The following C8orf88 variants were observed in gnomAD, a reference collection of about 807,000 sequenced individuals.
The protein encoded by C8orf88 is chromosome 8 open reading frame 88, also known as uncharacterized protein C8orf88.
In C8orf88, 14 loss-of-function variants were observed where a neutral mutation model predicts 18.4. That is an observed-to-expected ratio of 0.76 (90% CI 0.50 to 1.19). The LOEUF is 1.19. Ranked by LOEUF, C8orf88 falls within the 50% of genes most tolerant of loss-of-function variation. C8orf88 has a pLI of 0.00. For missense variants in C8orf88, 116 were observed against 134.7 expected (o/e 0.86, Z 0.69); for synonymous variants, 45 against 42.9 (o/e 1.05, Z -0.19).
chr8:90,968,944 G>A (rs143033495), intron 4 of C8orf88, among the ~76,000 whole-genome samples: 1 of 151,374 alleles, frequency 6.6e-6, no homozygotes, highest in African/African-American at 2.4e-5. Flanking sequence ...TCACCCACTA[G>A]GATTGCTTAT....
At chr8:90,966,577 AAAAG>A (rs1158613164) in intron 4 of C8orf88, among the ~76,000 whole-genome samples, 1 of 151,066 alleles carries the variant, frequency 6.6e-6, no homozygotes, top group Admixed American at 6.6e-5. Context: ...AAAAAAAAAA[AAAAG>A]TTGGTTTTTT....
At chr8:90,978,543 A>G (rs1163714069) in intron 3 of C8orf88, 36 bp downstream of exon 3, 66 of 1,332,510 alleles carry the variant, frequency 5.0e-5, no homozygotes, top group Non-Finnish European at 6.6e-5. Context: ...TTTCCAATCT[A>G]TAATATTTCC....
At chr8:90,960,934 CTATT>C in intron 4 of C8orf88, 86 bp from the exon 5 acceptor site, 1 of 655,178 alleles carries the variant, frequency 1.5e-6, no homozygotes, top group East Asian at 3.0e-5. Context: ...TGGATGTCCT[CTATT>C]CATTATATAA....
At chr8:90,967,643 G>A (rs28803481) in intron 4 of C8orf88, among the ~76,000 whole-genome samples, 4,935 of 151,624 alleles carry the variant, frequency 0.033, 262 homozygotes, top group African/African-American at 0.11. Flanking sequence ...GTTAGTTTTG[G>A]TAAATTCTGT....
intron 4 of C8orf88, among the ~76,000 whole-genome samples, chr8:90,969,851 T>A (rs538491167): frequency 6.6e-6 from 1 of 151,636 alleles, no homozygotes; most frequent in South Asian, 2.1e-4. Context: ...TATCCCAAGA[T>A]AATAACAAAA....
At chr8:90,976,167 A>G (rs1263453738) in intron 3 of C8orf88, among the ~76,000 whole-genome samples, 1 of 152,020 alleles carries the variant, frequency 6.6e-6, no homozygotes, top group East Asian at 1.9e-4. Context: ...GCAAGGGGAT[A>G]TAAGGACATT....
At chr8:90,977,766 AC>A (rs768744846) in intron 3 of C8orf88, among the ~76,000 whole-genome samples, 1 of 151,818 alleles carries the variant, frequency 6.6e-6, no homozygotes, top group Non-Finnish European at 1.5e-5. Context: ...ATATGGTGAA[AC>A]CCCATCTGTA....
Position 90,985,238 on chromosome 8 carries a change from T to G in C8orf88, c.-151A>C, listed in dbSNP as rs1811490232. 2.0e-5 allele frequency: 1 copy of G among 50,338 alleles called. No individual in the cohort carries two copies. The highest frequency in any genetic ancestry group is 4.0e-5 in the Non-Finnish European group (1 of 25,252). 3.1% of individuals were successfully genotyped at this position (50,338 alleles called of 1,614,324 possible). A position where few individuals can be genotyped will look rare whatever the true frequency, so the allele number is the denominator to read the frequency against. On this transcript the variant is annotated 5_prime_UTR_variant, in exon 1 of 6. Coordinates refer to ENST00000517562, the MANE Select transcript of C8orf88 (RefSeq NM_001190972.2). The stretch of plus-strand genomic sequence containing the variant: ...CCGCTGGTCCGCTGGCTGACCGCGG[T>G]GGCGGCGGCGGGGGGCGAGGGGCGG...
At chr8:90,977,803 T>C (rs1223369446) in intron 3 of C8orf88, among the ~76,000 whole-genome samples, 4 of 151,906 alleles carry the variant, frequency 2.6e-5, no homozygotes, top group Non-Finnish European at 5.9e-5. Flanking sequence ...AAAAATTAGC[T>C]AGGTGTCGTG....
intron 4 of C8orf88, 33 bp downstream of exon 4, chr8:90,971,033 A>G (rs1266354314): frequency 3.1e-6 from 4 of 1,284,214 alleles, no homozygotes; most frequent in East Asian, 5.1e-5. Flanking sequence ...AAGACATTCA[A>G]TGATAAAATT....
intron 4 of C8orf88, among the ~76,000 whole-genome samples, chr8:90,964,640 C>A (rs956846807): frequency 2.0e-5 from 3 of 151,608 alleles, no homozygotes; most frequent in Non-Finnish European, 4.4e-5. Context: ...GTATGAAATT[C>A]ATCCTTTTCT....
intron 4 of C8orf88, among the ~76,000 whole-genome samples, chr8:90,964,929 T>C (rs1329409231): frequency 6.6e-6 from 1 of 151,266 alleles, no homozygotes; most frequent in Non-Finnish European, 1.5e-5. Flanking sequence ...CTAGAAAATA[T>C]CTATTAAACA....
At chr8:90,959,515 A>G (rs1811094709) in intron 5 of C8orf88, 1 of 151,506 alleles carries the variant, frequency 6.6e-6, no homozygotes, top group South Asian at 2.1e-4. Context: ...TGAAACATCA[A>G]GTACATTTTT....
At chr8:90,981,268 T>C (rs1811432065) in intron 1 of C8orf88, among the ~76,000 whole-genome samples, 1 of 152,192 alleles carries the variant, frequency 6.6e-6, no homozygotes, top group Admixed American at 6.5e-5. Flanking sequence ...TTCAATTTGA[T>C]GGGCTAAATT....
chr8:90,978,358 T>C (rs1172566480), intron 3 of C8orf88, among the ~76,000 whole-genome samples: 2 of 152,200 alleles, frequency 1.3e-5, no homozygotes, highest in Non-Finnish European at 2.9e-5. Flanking sequence ...TGTAACTATA[T>C]GTGAAGTTGT....
chr8:90,969,260 C>T (rs187656242), intron 4 of C8orf88, among the ~76,000 whole-genome samples: 1 of 151,820 alleles, frequency 6.6e-6, no homozygotes, highest in Non-Finnish European at 1.5e-5. Flanking sequence ...GTGGCATAAT[C>T]CACACAATGG....
At chr8:90,978,028 T>G (rs73299923) in intron 3 of C8orf88, among the ~76,000 whole-genome samples, 2,827 of 152,168 alleles carry the variant, frequency 0.019, 98 homozygotes, top group African/African-American at 0.065. Flanking sequence ...TGCATCTGGC[T>G]AAGAAACTGG....
At chr8:90,980,524 T>C (rs961609458) in intron 1 of C8orf88, 63 bp from the exon 2 acceptor site, 11 of 597,994 alleles carry the variant, frequency 1.8e-5, no homozygotes, top group Non-Finnish European at 2.8e-5. Flanking sequence ...TTTACATGTA[T>C]ACAAATAACT....
chr8:90,966,453 T>C (rs1476493743), intron 4 of C8orf88, among the ~76,000 whole-genome samples: 7 of 149,334 alleles, frequency 4.7e-5, no homozygotes, highest in Admixed American at 2.0e-4. Flanking sequence ...TGTATACATA[T>C]GTAACTAACC....
Sources: allele counts gnomAD v4.1 joint callset (sites outside exome capture counted in the v4.1 genomes callset), GRCh38; gene constraint gnomAD v4.1.1; transcripts MANE v1.5; gene names NCBI Gene and HGNC (gene_info 2026-07-23, HGNC 2026-07-21).